The following FRMD4A variants were observed in gnomAD, a reference collection of about 807,000 sequenced individuals.
The protein encoded by FRMD4A is FERM domain containing 4A, also known as FERM domain-containing protein 4A.
A neutral mutation model predicts 129.1 loss-of-function variants in FRMD4A; 29 were observed. The ratio of observed to expected loss-of-function variants is 0.22; its 90% CI spans 0.17 to 0.31. The LOEUF is 0.31. Ranked by LOEUF, FRMD4A falls within the 10% of genes least tolerant of loss-of-function variation. FRMD4A has a pLI of 1.00. For missense variants in FRMD4A, 1,272 were observed against 1,375.8 expected (o/e 0.92, Z 1.19); for synonymous variants, 634 against 571.6 (o/e 1.11, Z -1.56).
intron 2 of FRMD4A, among the ~76,000 whole-genome samples, chr10:14,201,746 T>C (rs1842642000): frequency 6.6e-6 from 1 of 152,132 alleles, no homozygotes; most frequent in Non-Finnish European, 1.5e-5. Flanking sequence ...TGTGGTCCTA[T>C]CTGGACACGT....
At chr10:14,272,068 G>A (rs1845179860) in intron 2 of FRMD4A, among the ~76,000 whole-genome samples, 1 of 152,128 alleles carries the variant, frequency 6.6e-6, no homozygotes, top group South Asian at 2.1e-4. Context: ...GATCAGGTTA[G>A]GATAGGCCAT....
chr10:14,258,448 A>C (rs1844691391), intron 2 of FRMD4A, among the ~76,000 whole-genome samples: 1 of 152,180 alleles, frequency 6.6e-6, no homozygotes, highest in Admixed American at 6.5e-5. Flanking sequence ...ACATGAAAAA[A>C]TCCTCAGCAC....
intron 4 of FRMD4A, among the ~76,000 whole-genome samples, chr10:13,798,119 A>T (rs1439681259): frequency 6.6e-6 from 1 of 152,200 alleles, no homozygotes; most frequent in African/African-American, 2.4e-5. Context: ...TAAAAAAAAA[A>T]TAATGAAAGG....
At chr10:13,902,132 T>A (rs564989872) in intron 2 of FRMD4A, among the ~76,000 whole-genome samples, 1 of 142,224 alleles carries the variant, frequency 7.0e-6, no homozygotes, top group East Asian at 2.1e-4. Flanking sequence ...TCCTCCTGTC[T>A]CAGCCTCCTG....
At chr10:14,096,737 T>G (rs985629139) in intron 2 of FRMD4A, among the ~76,000 whole-genome samples, 6 of 152,204 alleles carry the variant, frequency 3.9e-5, no homozygotes, top group Non-Finnish European at 8.8e-5. Context: ...GAGAGACACC[T>G]GAGCATGAGC....
Position 13,689,749 on chromosome 10 carries a change from G to C in FRMD4A, c.1117+4149C>G, listed in dbSNP as rs529137253. On this transcript the variant is annotated intron_variant, in intron 15 of 24. Transcript: ENST00000357447. ...AGAAGATTTTTTTTTTTTTGGTACA[G>C]ATGGTGTCTTGCTATGTTGCCAAGG... Among the ~76,000 whole-genome samples the C allele has an allele frequency of 1.2e-3, 175 of 151,102 alleles. 1 individual carries two copies. The highest frequency in any genetic ancestry group is 3.7e-3 in the African/African-American group (150 of 41,026).
intron 2 of FRMD4A, among the ~76,000 whole-genome samples, chr10:13,931,464 T>C (rs2095193936): frequency 6.6e-6 from 1 of 152,118 alleles, no homozygotes; most frequent in East Asian, 1.9e-4. Flanking sequence ...TCTGATGAGT[T>C]CCTCTGCATC....
intron 2 of FRMD4A, among the ~76,000 whole-genome samples, chr10:14,252,287 C>T (rs934153548): frequency 1.3e-5 from 2 of 152,138 alleles, no homozygotes; most frequent in Non-Finnish European, 2.9e-5. Context: ...TCAAAATGAA[C>T]ATATGAACGT....
At chr10:14,078,435 G>C (rs1488904068) in intron 2 of FRMD4A, among the ~76,000 whole-genome samples, 1 of 152,170 alleles carries the variant, frequency 6.6e-6, no homozygotes, top group African/African-American at 2.4e-5. Flanking sequence ...ATTTAGTTGA[G>C]ACCAATCTAC....
intron 2 of FRMD4A, among the ~76,000 whole-genome samples, chr10:13,875,837 C>T: frequency 6.6e-6 from 1 of 152,070 alleles, no homozygotes; most frequent in East Asian, 1.9e-4. Context: ...AAAAGGGAGG[C>T]TATTATTGAT....
At chr10:13,955,174 C>T (rs1159389280) in intron 2 of FRMD4A, among the ~76,000 whole-genome samples, 1 of 127,842 alleles carries the variant, frequency 7.8e-6, no homozygotes, top group Non-Finnish European at 1.5e-5. Flanking sequence ...GTGGCTCAAT[C>T]TCAGCTCACT....
intron 2 of FRMD4A, among the ~76,000 whole-genome samples, chr10:13,872,546 C>T (rs947501123): frequency 5.9e-5 from 9 of 152,236 alleles, no homozygotes; most frequent in Admixed American, 2.0e-4. Context: ...TACGCATGCA[C>T]GTAATTCTTA....
chr10:13,839,973 TA>T (rs1351542026), intron 3 of FRMD4A, among the ~76,000 whole-genome samples: 2 of 152,178 alleles, frequency 1.3e-5, no homozygotes, highest in Admixed American at 6.5e-5. Flanking sequence ...TGTGTCCCTA[TA>T]AAAATGACGG....
At chr10:13,656,401 G>A (rs549079701) in intron 22 of FRMD4A, among the ~76,000 whole-genome samples, 1 of 152,316 alleles carries the variant, frequency 6.6e-6, no homozygotes, top group East Asian at 1.9e-4. Flanking sequence ...AGTGCACTCT[G>A]GAGGGTCAGG....
chr10:14,179,078 G>C (rs1471541117), intron 2 of FRMD4A, among the ~76,000 whole-genome samples: 1 of 152,182 alleles, frequency 6.6e-6, no homozygotes, highest in Non-Finnish European at 1.5e-5. Context: ...CACAAAGGCT[G>C]TTGGGTAGGC....
At position 13,806,136 on chromosome 10, in the gene FRMD4A, T is replaced by G. The variant is rs150990843; in HGVS notation, c.206+4678A>C. Reference sequence around the variant, plus strand: ...CCTCCCAAAGTGTTGGTATTACAGGTGTGAGCCACAATTTTTTTTTTTTTG... The same window carrying G: ...CCTCCCAAAGTGTTGGTATTACAGGGGTGAGCCACAATTTTTTTTTTTTTG... On this transcript the variant is annotated intron_variant, in intron 4 of 24. Coordinates refer to ENST00000357447, the MANE Select transcript of FRMD4A (RefSeq NM_018027.5). Among the ~76,000 whole-genome samples, 1,172 of 152,168 alleles carry G rather than the reference T, an allele frequency of 7.7e-3. 4 individuals are homozygous for G. The highest frequency in any genetic ancestry group is 0.013 in the Admixed American group (198 of 15,280).
chr10:14,247,225 C>G (rs995484736), intron 2 of FRMD4A, among the ~76,000 whole-genome samples: 1 of 152,056 alleles, frequency 6.6e-6, no homozygotes, highest in African/African-American at 2.4e-5. Flanking sequence ...AGAGTCACCC[C>G]GCTTCCATCC....
chr10:14,067,454 C>T (rs1835115835), intron 2 of FRMD4A, among the ~76,000 whole-genome samples: 1 of 152,160 alleles, frequency 6.6e-6, no homozygotes, highest in Non-Finnish European at 1.5e-5. Context: ...AATCGGTCAG[C>T]TTTATTTATG....
intron 11 of FRMD4A, among the ~76,000 whole-genome samples, chr10:13,739,084 C>G (rs117877747): frequency 6.6e-6 from 1 of 152,200 alleles, no homozygotes; most frequent in African/African-American, 2.4e-5. Context: ...TAACCTAATA[C>G]AACCCCATAG....
Sources: gnomAD v4.1 joint callset for allele counts (sites outside exome capture counted in the v4.1 genomes callset) on GRCh38, gnomAD v4.1.1 for gene constraint, MANE v1.5 for transcripts, NCBI Gene and HGNC (gene_info 2026-07-23, HGNC 2026-07-21) for gene names.